LOC122539214: variants seen among roughly 807,000 people sequenced by gnomAD.
chr19:52,657,269 A>G, the LOC122539214 span, among the ~76,000 whole-genome samples: 1 of 152,198 alleles, frequency 6.6e-6, no homozygotes, highest in African/African-American at 2.4e-5. Flanking sequence ...CAGTAACTAA[A>G]TGGAAAAACT....
At chr19:52,673,883 G>C in the LOC122539214 span, among the ~76,000 whole-genome samples, 1 of 151,376 alleles carries the variant, frequency 6.6e-6, no homozygotes, top group East Asian at 1.9e-4. Flanking sequence ...GGGCCTGGTG[G>C]TGTGTGCCTG....
chr19:52,671,625 T>C, the LOC122539214 span, among the ~76,000 whole-genome samples: 1 of 152,140 alleles, frequency 6.6e-6, no homozygotes, highest in African/African-American at 2.4e-5. Flanking sequence ...TAGTACTTTG[T>C]AGAGGGGTGG....
the LOC122539214 span, among the ~76,000 whole-genome samples, chr19:52,685,897 C>CAAAAAAAAAAA: frequency 7.6e-6 from 1 of 132,442 alleles, no homozygotes; most frequent in Non-Finnish European, 1.7e-5. Context: ...GTAACTGTCA[C>CAAAAAAAAAAA]AAAAAAAAAA....
the LOC122539214 span, chr19:52,654,965 T>G: frequency 6.6e-6 from 1 of 152,478 alleles, no homozygotes; most frequent in African/African-American, 2.4e-5. Context: ...GTGGGCAGAT[T>G]GCTTGAGACA....
At chr19:52,653,294 T>G in the LOC122539214 span, 1 of 1,400,264 alleles carries the variant, frequency 7.1e-7, no homozygotes, top group East Asian at 2.4e-5. Flanking sequence ...TTAAAAACCT[T>G]ACCACATTCA....
At chr19:52,681,469 C>G in the LOC122539214 span, among the ~76,000 whole-genome samples, 896 of 152,198 alleles carry the variant, frequency 5.9e-3, 5 homozygotes, top group African/African-American at 0.02. Context: ...GTTGTGATGA[C>G]AGCAATAGCC....
At chr19:52,659,468 AAC>A in the LOC122539214 span, among the ~76,000 whole-genome samples, 3 of 152,304 alleles carry the variant, frequency 2.0e-5, no homozygotes, top group African/African-American at 7.2e-5. Context: ...ACTGGTCGGA[AAC>A]ACAGCAGAAC....
chr19:52,687,501 TA>T, the LOC122539214 span, among the ~76,000 whole-genome samples: 2 of 62,618 alleles, frequency 3.2e-5, no homozygotes, highest in Non-Finnish European at 5.9e-5. Context: ...TTTATATAGA[TA>T]TATAAATTAT....
At chr19:52,681,280 C>CAAAAAAAAAAAAAAAAAAAAAAAAAAA in the LOC122539214 span, among the ~76,000 whole-genome samples, 10 of 75,426 alleles carry the variant, frequency 1.3e-4, no homozygotes, top group South Asian at 6.4e-4. Flanking sequence ...GAGACTTTCT[C>CAAAAAAAAAAAAAAAAAAAAAAAAAAA]AAAAAAAAAA....
chr19:52,690,152 G>C, the LOC122539214 span, among the ~76,000 whole-genome samples: 1 of 150,126 alleles, frequency 6.7e-6, no homozygotes, highest in Non-Finnish European at 1.5e-5. Context: ...TAAAAAGCGC[G>C]GGGCGGGAGG....
the LOC122539214 span, chr19:52,654,205 G>T: frequency 6.3e-7 from 1 of 1,592,122 alleles, no homozygotes. Flanking sequence ...TTTGATTTTT[G>T]TCATGGGTGC....
the LOC122539214 span, chr19:52,653,142 G>A: frequency 2.7e-6 from 4 of 1,465,676 alleles, no homozygotes; most frequent in Non-Finnish European, 3.8e-6. Flanking sequence ...ACTCATGACA[G>A]TTGTAAGGTT....
chr19:52,657,055 G>A, the LOC122539214 span, among the ~76,000 whole-genome samples: 25 of 152,068 alleles, frequency 1.6e-4, no homozygotes, highest in East Asian at 4.1e-3. Context: ...AGCAGAGTTT[G>A]AAGTGATCCA....
chr19:52,673,102 A>G, the LOC122539214 span, among the ~76,000 whole-genome samples: 18 of 152,298 alleles, frequency 1.2e-4, no homozygotes, highest in African/African-American at 4.1e-4. Flanking sequence ...CCAGCTACTC[A>G]GGAGACTGAG....
the LOC122539214 span, among the ~76,000 whole-genome samples, chr19:52,676,049 C>A: frequency 6.6e-6 from 1 of 152,140 alleles, no homozygotes; most frequent in Admixed American, 6.5e-5. Flanking sequence ...CTCGCTCTCC[C>A]TCTCCCTCTC....
chr19:52,658,303 C>T, the LOC122539214 span, among the ~76,000 whole-genome samples: 3 of 151,972 alleles, frequency 2.0e-5, no homozygotes, highest in South Asian at 2.1e-4. Flanking sequence ...TCAGCACTCA[C>T]GCCTGTAATT....
At chr19:52,662,104 C>A in the LOC122539214 span, among the ~76,000 whole-genome samples, 2 of 152,194 alleles carry the variant, frequency 1.3e-5, no homozygotes, top group African/African-American at 4.8e-5. Context: ...TTCTCCCACA[C>A]TTCAAAAGAA....
the LOC122539214 span, chr19:52,652,673 G>T: frequency 1.7e-6 from 1 of 575,468 alleles, no homozygotes; most frequent in South Asian, 1.5e-5. Context: ...ATTCTCTAAT[G>T]ATTTGCAATG....
chr19:52,674,398 T>G, the LOC122539214 span: 1 of 152,202 alleles, frequency 6.6e-6, no homozygotes, highest in South Asian at 2.1e-4. Flanking sequence ...ACCCTTTCTA[T>G]TCAATCAATA....
Sources: gnomAD v4.1 joint callset for allele counts (sites outside exome capture counted in the v4.1 genomes callset) on GRCh38, gnomAD v4.1.1 for gene constraint, MANE v1.5 for transcripts.